DTNA: variants seen among roughly 807,000 people sequenced by gnomAD.
DTNA encodes dystrophin-related protein 3.
DTNA carries 43 observed loss-of-function variants against 100.7 expected under a neutral mutation model. That is an observed-to-expected ratio of 0.43 (90% CI 0.33 to 0.55). The LOEUF is 0.55. DTNA is among the 20% of genes least tolerant of loss of function. The pLI, the probability that DTNA is intolerant of heterozygous loss-of-function variation, is 0.04. For synonymous variants in DTNA, 349 were observed against 347.9 expected (o/e 1.00, Z -0.04); for missense variants, 798 against 953.9 (o/e 0.84, Z 2.15).
chr18:34,740,450 T>C (rs1012524907), intron 1 of DTNA, among the ~76,000 whole-genome samples: 3 of 152,116 alleles, frequency 2.0e-5, no homozygotes, highest in African/African-American at 7.2e-5. Context: ...TTTCCATAAA[T>C]GCAGACACTG....
chr18:34,712,861 T>A (rs1030730905), intron 1 of DTNA, among the ~76,000 whole-genome samples: 2 of 152,110 alleles, frequency 1.3e-5, no homozygotes, highest in African/African-American at 4.8e-5. Flanking sequence ...TAACAGTTTT[T>A]TAACATGTTA....
chr18:34,724,446 T>C (rs930906931), intron 1 of DTNA, among the ~76,000 whole-genome samples: 2 of 152,220 alleles, frequency 1.3e-5, no homozygotes, highest in African/African-American at 2.4e-5. Flanking sequence ...ATTTTTAATG[T>C]TTTTAATTTA....
At position 34,889,163 on chromosome 18, in the gene DTNA, A is replaced by C; in HGVS notation, c.*1429A>C. On this transcript the variant is annotated 3_prime_UTR_variant, in exon 23 of 23. Coordinates refer to ENST00000444659, the MANE Select transcript of DTNA (RefSeq NM_001386795.1). ...AAAAAGCCTGCGACCTATTCAATAC[A>C]TTATGCTTAAATTAGCAGTTTCTCT... 1 of 985,384 alleles carries C rather than the reference A, an allele frequency of 1.0e-6. No individual in the cohort carries two copies. Among genetic ancestry groups the C allele is most frequent in the Non-Finnish European group, 1.2e-6 (1 of 829,926 alleles). 61.0% of individuals were successfully genotyped at this position (985,384 alleles called of 1,614,324 possible). A position where few individuals can be genotyped will look rare whatever the true frequency, so the allele number is the denominator to read the frequency against.
intron 1 of DTNA, among the ~76,000 whole-genome samples, chr18:34,621,651 A>G (rs927194720): frequency 6.6e-6 from 1 of 152,172 alleles, no homozygotes. Context: ...TGATAATAGA[A>G]TGGTGGTTAC....
chr18:34,531,706 A>C (rs1264374415), intron 1 of DTNA, among the ~76,000 whole-genome samples: 2 of 152,148 alleles, frequency 1.3e-5, no homozygotes, highest in African/African-American at 4.8e-5. Context: ...AAGTCATCTT[A>C]AATTCATTTA....
intron 5 of DTNA, among the ~76,000 whole-genome samples, chr18:34,807,457 C>T (rs953916455): frequency 6.6e-6 from 1 of 152,176 alleles, no homozygotes; most frequent in Non-Finnish European, 1.5e-5. Context: ...GCTCACAGCA[C>T]AAGGCTCACC....
Position 34,827,620 on chromosome 18 carries a change from C to G in DTNA, c.1029C>G (p.Asn343Lys). The change falls in exon 10 of 23, where the codon AAC (asparagine) becomes AAG (lysine). Residue 343 changes from asparagine to lysine, a missense_variant. By Grantham distance (94) the Asn-to-Lys change is moderately conservative. Transcript: ENST00000444659. ...CTCCCAGACCTGTAACCAGCATGAA[C>G]GACACCCTGTTCTCCCACTCTGTTC... The part of the protein sequence containing the change: ...IVPPRPVTSM[N>K]DTLFSHSVPS... The G allele has an allele frequency of 1.9e-6, 3 of 1,613,866 alleles. No individual in the cohort carries two copies. Among genetic ancestry groups the G allele is most frequent in the Non-Finnish European group, 2.5e-6 (3 of 1,179,808 alleles).
At chr18:34,617,764 A>G (rs1383402883) in intron 1 of DTNA, among the ~76,000 whole-genome samples, 2 of 152,130 alleles carry the variant, frequency 1.3e-5, no homozygotes, top group African/African-American at 4.8e-5. Flanking sequence ...TAATTAAGGT[A>G]TCTACATTAT....
intron 1 of DTNA, among the ~76,000 whole-genome samples, chr18:34,652,817 G>A (rs1443754595): frequency 1.3e-5 from 2 of 152,138 alleles, no homozygotes; most frequent in Non-Finnish European, 2.9e-5. Context: ...TGAGACTTCT[G>A]TTCTAGGTGG....
intron 15 of DTNA, among the ~76,000 whole-genome samples, chr18:34,852,876 C>T (rs182820499): frequency 1.3e-5 from 2 of 152,288 alleles, no homozygotes; most frequent in African/African-American, 4.8e-5. Context: ...CAATTACATA[C>T]CCCTGTGTGT....
intron 1 of DTNA, among the ~76,000 whole-genome samples, chr18:34,654,004 A>G (rs2073993848): frequency 6.6e-6 from 1 of 152,170 alleles, no homozygotes; most frequent in Non-Finnish European, 1.5e-5. Context: ...GCCATTTCAG[A>G]TAATTTACTA....
chr18:34,531,693 T>A (rs1243205582), intron 1 of DTNA, among the ~76,000 whole-genome samples: 1 of 152,172 alleles, frequency 6.6e-6, no homozygotes, highest in Non-Finnish European at 1.5e-5. Flanking sequence ...GTCCAGTTTT[T>A]TGAAGTCATC....
intron 1 of DTNA, among the ~76,000 whole-genome samples, chr18:34,597,510 T>C (rs1176588073): frequency 6.6e-6 from 1 of 152,108 alleles, no homozygotes; most frequent in Admixed American, 6.6e-5. Context: ...GAAACCAACA[T>C]ACCCATCTTC....
rs535190158 is a variant in DTNA, at chr18:34,521,248, C to A, written c.-2+27734C>A. Among the ~76,000 whole-genome samples the A allele has an allele frequency of 3.3e-5, 5 of 152,174 alleles. No homozygotes were observed. In the East Asian group the frequency reaches 9.7e-4, roughly 30 times the overall value. Reference sequence around the variant, plus strand: ...CCCATTTCCCCTGACACTTCATAACCAGTCCATCAGTAAGTTCTGTCAGCT... The same window carrying A: ...CCCATTTCCCCTGACACTTCATAACAAGTCCATCAGTAAGTTCTGTCAGCT... On this transcript the variant is annotated intron_variant, in intron 1 of 19. Transcript: ENST00000283365.
At chr18:34,513,780 G>A (rs1568567546) in intron 1 of DTNA, 5 of 152,138 alleles carry the variant, frequency 3.3e-5, no homozygotes, top group Admixed American at 2.0e-4. Flanking sequence ...AAGCAAGAAG[G>A]CTATGAGGAG....
chr18:34,763,931 A>C (rs1051568497), intron 2 of DTNA, among the ~76,000 whole-genome samples: 4 of 152,218 alleles, frequency 2.6e-5, no homozygotes, highest in Admixed American at 1.3e-4. Flanking sequence ...TTTAAAGTCC[A>C]TGATGACAAG....
chr18:34,659,643 C>G (rs943540784), intron 1 of DTNA, among the ~76,000 whole-genome samples: 2 of 152,078 alleles, frequency 1.3e-5, no homozygotes, highest in African/African-American at 4.8e-5. Flanking sequence ...GACACACACA[C>G]ACACACACAC....
At chr18:34,542,405 G>A (rs929748823) in intron 1 of DTNA, among the ~76,000 whole-genome samples, 1 of 151,850 alleles carries the variant, frequency 6.6e-6, no homozygotes, top group African/African-American at 2.4e-5. Context: ...AATGTGTGTG[G>A]GTACTGTGGT....
chr18:34,835,727 C>A (rs1283890577), intron 11 of DTNA, among the ~76,000 whole-genome samples: 1 of 152,244 alleles, frequency 6.6e-6, no homozygotes. Flanking sequence ...CCTTCACTGA[C>A]ACATCTTCCT....
Sources: allele counts gnomAD v4.1 joint callset (sites outside exome capture counted in the v4.1 genomes callset), GRCh38; gene constraint gnomAD v4.1.1; transcripts MANE v1.5; gene names NCBI Gene and HGNC (gene_info 2026-07-23, HGNC 2026-07-21).